The following TSHZ2 variants were observed in gnomAD, a reference collection of about 807,000 sequenced individuals.
TSHZ2 encodes teashirt zinc finger homeobox 2, also known as teashirt homolog 2.
TSHZ2 carries 21 observed loss-of-function variants against 74.4 expected under a neutral mutation model. That is an observed-to-expected ratio of 0.28 (90% CI 0.20 to 0.41). The LOEUF is 0.41. Ranked by LOEUF, TSHZ2 falls within the 10% of genes least tolerant of loss-of-function variation. TSHZ2 has a pLI of 1.00. For missense variants in TSHZ2, 1,244 were observed against 1,293.5 expected, an observed-to-expected ratio of 0.96 and a Z score of 0.59; for synonymous variants, 540 against 515.3, an observed-to-expected ratio of 1.05 and a Z score of -0.65.
intron 1 of TSHZ2, among the ~76,000 whole-genome samples, chr20:53,179,848 G>C (rs1988428971): frequency 6.6e-6 from 1 of 152,172 alleles, no homozygotes; most frequent in Non-Finnish European, 1.5e-5. Flanking sequence ...GTAACGATAA[G>C]AGATTCACTA....
At chr20:52,973,833 A>G (rs1981224987) in intron 1 of TSHZ2, among the ~76,000 whole-genome samples, 1 of 152,166 alleles carries the variant, frequency 6.6e-6, no homozygotes, top group African/African-American at 2.4e-5. Flanking sequence ...TTTAGCGTTG[A>G]TCACCAAGGT....
At chr20:53,171,430 T>G (rs1239454614) in intron 1 of TSHZ2, among the ~76,000 whole-genome samples, 1 of 152,238 alleles carries the variant, frequency 6.6e-6, no homozygotes, top group Non-Finnish European at 1.5e-5. Flanking sequence ...AGGGCATGAT[T>G]GCAATTAAAA....
chr20:53,050,181 A>G (rs192933678), intron 1 of TSHZ2, among the ~76,000 whole-genome samples: 117 of 146,096 alleles, frequency 8.0e-4, no homozygotes, highest in Middle Eastern at 3.6e-3. Flanking sequence ...ATATACACAT[A>G]TATATGTATA....
intron 1 of TSHZ2, among the ~76,000 whole-genome samples, chr20:53,055,781 T>C (rs1182573846): frequency 6.6e-6 from 1 of 152,248 alleles, no homozygotes; most frequent in African/African-American, 2.4e-5. Flanking sequence ...AGATAAACTA[T>C]GGCTCACAGT....
chr20:52,989,959 A>T (rs1245280262), intron 1 of TSHZ2, among the ~76,000 whole-genome samples: 1 of 151,600 alleles, frequency 6.6e-6, no homozygotes, highest in East Asian at 1.9e-4. Context: ...ATACATACTA[A>T]TTATATATAT....
chr20:53,197,389 CTT>C (rs991809853), intron 1 of TSHZ2, among the ~76,000 whole-genome samples: 1 of 152,176 alleles, frequency 6.6e-6, no homozygotes, highest in African/African-American at 2.4e-5. Flanking sequence ...AAGGAGAAGA[CTT>C]TTAACAAAAC....
At chr20:53,379,715 A>C (rs1352509750) in intron 2 of TSHZ2, among the ~76,000 whole-genome samples, 1 of 152,192 alleles carries the variant, frequency 6.6e-6, no homozygotes, top group African/African-American at 2.4e-5. Context: ...AAAGTTTCTA[A>C]GGGACACCTT....
At chr20:53,017,077 C>G (rs921102014) in intron 1 of TSHZ2, among the ~76,000 whole-genome samples, 1 of 152,170 alleles carries the variant, frequency 6.6e-6, no homozygotes. Flanking sequence ...CATTAGTCAT[C>G]ATCATATTCC....
chr20:53,026,143 GAC>G, intron 1 of TSHZ2, among the ~76,000 whole-genome samples: 1 of 152,122 alleles, frequency 6.6e-6, no homozygotes, highest in Admixed American at 6.5e-5. Context: ...ACGTGAGTCT[GAC>G]TGCTTGAATT....
In TSHZ2 at chr20:53,256,316, T is replaced by A; in HGVS notation, c.2858T>A (p.Met953Lys). Residue 953 changes from methionine (M) to lysine (K), a missense_variant, in exon 2 of 3, where the codon ATG becomes AAG. Transcript: ENST00000371497. The surrounding 1 kb of genome is among the most constrained non-coding windows in gnomAD (Gnocchi z 4.3). The part of the protein sequence containing the change: ...SHLESHLGFQ[M>K]KDMTRLSVDQ... ...TTAGAATCTCACCTGGGTTTCCAAA[T>A]GAAGGACATGACCCGCTTGTCAGTG... 1 of 1,614,018 alleles carries A rather than the reference T, an allele frequency of 6.2e-7. No homozygotes were observed. The highest frequency in any genetic ancestry group is 8.5e-7 in the Non-Finnish European group (1 of 1,179,918).
At chr20:53,274,751 G>T (rs369809753) in intron 2 of TSHZ2, among the ~76,000 whole-genome samples, 2 of 152,188 alleles carry the variant, frequency 1.3e-5, no homozygotes, top group South Asian at 4.1e-4. Flanking sequence ...ATGCAGAAAC[G>T]TTGCCTATCT....
chr20:53,133,612 A>T (rs1162742944), intron 1 of TSHZ2, among the ~76,000 whole-genome samples: 2 of 152,234 alleles, frequency 1.3e-5, no homozygotes, highest in African/African-American at 2.4e-5. Flanking sequence ...ACATATATTT[A>T]CATTTTTATT....
chr20:53,435,505 CT>C (rs906385072), intron 2 of TSHZ2, among the ~76,000 whole-genome samples: 4 of 152,096 alleles, frequency 2.6e-5, no homozygotes, highest in Non-Finnish European at 4.4e-5. Flanking sequence ...TAACAGGGAA[CT>C]TTTTTTAAAT....
chr20:53,231,662 CT>C (rs201046903), intron 1 of TSHZ2, among the ~76,000 whole-genome samples: 10 of 151,276 alleles, frequency 6.6e-5, no homozygotes, highest in East Asian at 1.9e-4. Flanking sequence ...GCCTGGAAGT[CT>C]TTTTTTTTGG....
intron 2 of TSHZ2, chr20:53,455,206 C>A (rs568147231): frequency 6.6e-6 from 1 of 152,330 alleles, no homozygotes; most frequent in Non-Finnish European, 1.5e-5. Flanking sequence ...GATGCCCACA[C>A]CTGCACCACT....
chr20:53,375,206 A>G (rs1319896146), intron 2 of TSHZ2, among the ~76,000 whole-genome samples: 1 of 152,226 alleles, frequency 6.6e-6, no homozygotes, highest in East Asian at 1.9e-4. Context: ...TGATTCTAGA[A>G]TGTGGCAAAA....
chr20:53,380,163 T>TGC (rs531925077), intron 2 of TSHZ2, among the ~76,000 whole-genome samples: 1,813 of 151,022 alleles, frequency 0.012, 25 homozygotes, highest in African/African-American at 0.038. Context: ...TGTGTGTGTG[T>TGC]GCACACGCAT....
chr20:53,208,334 T>C (rs1487909374), intron 1 of TSHZ2, among the ~76,000 whole-genome samples: 1 of 152,146 alleles, frequency 6.6e-6, no homozygotes, highest in South Asian at 2.1e-4. Flanking sequence ...CTCCCTTTGG[T>C]AGATACAGAA....
At chr20:53,464,970 T>G (rs550635693) in intron 2 of TSHZ2, among the ~76,000 whole-genome samples, 1 of 152,356 alleles carries the variant, frequency 6.6e-6, no homozygotes, top group Non-Finnish European at 1.5e-5. Flanking sequence ...ACTTAAAACA[T>G]GGATACTTGA....
Sources: allele counts gnomAD v4.1 joint callset (sites outside exome capture counted in the v4.1 genomes callset), GRCh38; gene constraint gnomAD v4.1.1; non-coding constraint Gnocchi (gnomAD v3.1); transcripts MANE v1.5; gene names NCBI Gene and HGNC (gene_info 2026-07-23, HGNC 2026-07-21).